TACR3: variants seen among roughly 807,000 people sequenced by gnomAD.
TACR3 encodes the protein neuromedin-K receptor.
A neutral mutation model predicts 35.0 loss-of-function variants in TACR3; 34 were observed. That is an observed-to-expected ratio of 0.97 (90% CI 0.74 to 1.30). The LOEUF (loss-of-function observed/expected upper bound fraction) is 1.30. TACR3 is among the 50% of genes most tolerant of loss of function. The probability of loss-of-function intolerance (pLI) is 0.00; values close to 1 mark genes in which losing one functional copy is unlikely to be tolerated. For missense variants in TACR3, 558 were observed against 591.7 expected, an observed-to-expected ratio of 0.94 and a Z score of 0.59; for synonymous variants, 233 against 221.1, an observed-to-expected ratio of 1.05 and a Z score of -0.48.
rs1345592801 is a variant in TACR3, at chr4:103,595,464, A to G, written c.889-3781T>C. ...GAATCTAACTACGTAGGCAGGATGG[A>G]ACTGCATGTCCTCATATATTAGTGA... On this transcript the variant is annotated intron_variant, in intron 3 of 4. Transcript: ENST00000304883. Among the ~76,000 whole-genome samples the G allele has an allele frequency of 2.0e-5, 3 of 152,194 alleles. No homozygotes were observed. In the East Asian group the frequency reaches 5.8e-4, roughly 29 times the overall value.
intron 3 of TACR3, among the ~76,000 whole-genome samples, chr4:103,653,037 C>T (rs1019499085): frequency 3.9e-5 from 6 of 151,988 alleles, no homozygotes; most frequent in Non-Finnish European, 8.8e-5. Flanking sequence ...GATATCAATG[C>T]TCATACCAAT....
chr4:103,709,301 G>A (rs926265872), intron 1 of TACR3, among the ~76,000 whole-genome samples: 11 of 152,200 alleles, frequency 7.2e-5, no homozygotes, highest in East Asian at 1.9e-4. Flanking sequence ...GACTAACAGC[G>A]GATCTCTTGG....
intron 3 of TACR3, among the ~76,000 whole-genome samples, chr4:103,639,156 C>T (rs28811871): frequency 0.11 from 16,066 of 152,104 alleles, 972 homozygotes; most frequent in South Asian, 0.19. Context: ...TTTATTGCGG[C>T]ACTATTCACA....
At chr4:103,703,857 T>A (rs1241208896) in intron 1 of TACR3, among the ~76,000 whole-genome samples, 1 of 151,666 alleles carries the variant, frequency 6.6e-6, no homozygotes, top group African/African-American at 2.4e-5. Context: ...TCCCAGCACT[T>A]TGGGAGGCTG....
In TACR3 at chr4:103,684,987, TTAAATAAATAAATAAA is replaced by T. The variant is rs146299787; in HGVS notation, c.549-26600_549-26585del. ...GACAGAGCAAGGCTCCATCTCAAAA[TTAAATAAATAAATAAA>T]TAAATAAATAAATAAATAAATAAAT... On this transcript the variant is annotated intron_variant, in intron 1 of 4. Transcript: ENST00000304883. Among the ~76,000 whole-genome samples, 1,419 of 142,114 alleles carry T rather than the reference TTAAATAAATAAATAAA, an allele frequency of 1.0e-2. 20 individuals carry two copies. The highest frequency in any genetic ancestry group is 0.032 in the African/African-American group (1,231 of 38,622). The allele number at this position is 142,114 out of a possible 152,430, so 93.2% of individuals were successfully genotyped here. A position where few individuals can be genotyped will look rare whatever the true frequency, so the allele number is the denominator to read the frequency against.
rs554953193 is a variant in TACR3, at chr4:103,596,817, T to C, written c.889-5134A>G. On this transcript the variant is annotated intron_variant, in intron 3 of 4. Coordinates refer to ENST00000304883, the MANE Select transcript of TACR3 (RefSeq NM_001059.3). Reference sequence around the variant, plus strand: ...CCCTTCCTGTGTCCATGTGTTCTCATTGTTCAATTCCCACCTGTGAGTGAG... The same window carrying C: ...CCCTTCCTGTGTCCATGTGTTCTCACTGTTCAATTCCCACCTGTGAGTGAG... Among the ~76,000 whole-genome samples the C allele has an allele frequency of 1.3e-3, 204 of 151,884 alleles. 3 individuals are homozygous for C. Among genetic ancestry groups the C allele is most frequent in the African/African-American group, 4.7e-3 (196 of 41,420 alleles).
intron 3 of TACR3, 136 bp from the exon 4 acceptor site, chr4:103,591,819 G>A (rs958631675): frequency 4.5e-6 from 4 of 884,478 alleles, no homozygotes; most frequent in Middle Eastern, 6.7e-4. Context: ...TTAAAAAATG[G>A]TGAAGCAATA....
intron 4 of TACR3, 26 bp downstream of exon 4, chr4:103,591,461 C>G (rs199524350): frequency 6.2e-7 from 1 of 1,612,890 alleles, no homozygotes; most frequent in Admixed American, 1.7e-5. Context: ...TGACAAGCAA[C>G]TTGCATTTCG....
intron 4 of TACR3, chr4:103,591,245 A>C: frequency 1.9e-6 from 1 of 520,436 alleles, no homozygotes; most frequent in South Asian, 2.5e-5. Flanking sequence ...GTTGGCCCAT[A>C]GAAGAATCAT....
chr4:103,646,229 G>A (rs970676515), intron 3 of TACR3, among the ~76,000 whole-genome samples: 2 of 151,900 alleles, frequency 1.3e-5, no homozygotes, highest in African/African-American at 4.8e-5. Context: ...AATATTAACC[G>A]CAACTTGAAA....
intron 3 of TACR3, chr4:103,593,388 A>C (rs1434783891): frequency 6.6e-6 from 1 of 152,184 alleles, no homozygotes; most frequent in East Asian, 1.9e-4. Context: ...GTAATGAAAA[A>C]AAGGAAATGT....
At chr4:103,638,604 C>A (rs1341424004) in intron 3 of TACR3, among the ~76,000 whole-genome samples, 1 of 152,026 alleles carries the variant, frequency 6.6e-6, no homozygotes, top group African/African-American at 2.4e-5. Context: ...TCTAATTAAA[C>A]CAAAAAGCTT....
intron 3 of TACR3, among the ~76,000 whole-genome samples, chr4:103,616,589 A>AAAG (rs1724666232): frequency 9.1e-6 from 1 of 109,610 alleles, no homozygotes; most frequent in African/African-American, 3.5e-5. Flanking sequence ...CCTAAAATTA[A>AAAG]AAGATTAAAA....
At chr4:103,619,534 G>A (rs1223346835) in intron 3 of TACR3, among the ~76,000 whole-genome samples, 3 of 152,072 alleles carry the variant, frequency 2.0e-5, no homozygotes, top group African/African-American at 7.2e-5. Context: ...TGACTGCTCT[G>A]GCTGAGACTT....
Position 103,658,233 on chromosome 4 carries a change from C to T in TACR3, c.719G>A (p.Gly240Asp), listed in dbSNP as rs369694496. 1 of 1,613,808 alleles carries T rather than the reference C, an allele frequency of 6.2e-7. No individual in the cohort carries two copies. The highest frequency in any genetic ancestry group is 1.3e-5 in the African/African-American group (1 of 74,988). Residue 240 changes from glycine (G) to aspartate (D), a missense_variant, in exon 2 of 5, where the codon GGT becomes GAT. By Grantham distance (94) the Gly-to-Asp change is moderately conservative. Coordinates refer to ENST00000304883, the MANE Select transcript of TACR3 (RefSeq NM_001059.3). ...RTLCFVQWPE[G>D]PKQHFTYHII... is the part of the protein sequence containing the mutation. ...AACTTACGTGAAATGTTGTTTGGGA[C>T]CTTCTGGCCATTGCACAAAGCAGAG...
intron 3 of TACR3, among the ~76,000 whole-genome samples, chr4:103,641,332 A>C (rs55856230): frequency 0.03 from 4,547 of 152,060 alleles, 226 homozygotes; most frequent in African/African-American, 0.1. Flanking sequence ...TTAAAATAAG[A>C]TAGTGTGATA....
At chr4:103,688,835 G>A (rs992325793) in intron 1 of TACR3, among the ~76,000 whole-genome samples, 5 of 152,172 alleles carry the variant, frequency 3.3e-5, no homozygotes, top group Non-Finnish European at 5.9e-5. Context: ...GTGGAAGGCA[G>A]TGTGGCGATT....
At chr4:103,712,673 C>T (rs181785251) in intron 1 of TACR3, among the ~76,000 whole-genome samples, 31 of 152,274 alleles carry the variant, frequency 2.0e-4, no homozygotes, top group Middle Eastern at 3.4e-3. Context: ...AAACTACCAT[C>T]AGAGTGAACA....
In TACR3 at chr4:103,588,684, C is replaced by G. The variant is rs1467461288; in HGVS notation, c.*998G>C. On this transcript the variant is annotated 3_prime_UTR_variant, in exon 5 of 5. Transcript: ENST00000304883. ...TTGTCTACACCTTGCCTAGTTTACT[C>G]ATATGTAACATATATTGGTATTTTT... 6.6e-6 allele frequency: 1 copy of G among 152,102 alleles called. No individual in the cohort carries two copies. The highest frequency in any genetic ancestry group is 2.4e-5 in the African/African-American group (1 of 41,454). The allele number at this position is 152,102 out of a possible 1,614,324, so 9.4% of individuals were successfully genotyped here. A position where few individuals can be genotyped will look rare whatever the true frequency, so the allele number is the denominator to read the frequency against.
Sources: gnomAD v4.1 joint callset for allele counts (sites outside exome capture counted in the v4.1 genomes callset) on GRCh38, gnomAD v4.1.1 for gene constraint, MANE v1.5 for transcripts, NCBI Gene and HGNC (gene_info 2026-07-23, HGNC 2026-07-21) for gene names.